Variants in MTUS2 observed in about 807,000 individuals in gnomAD.
MTUS2 encodes microtubule-associated tumor suppressor candidate 2.
Under a neutral mutation model 114.1 loss-of-function variants are expected in MTUS2, and 40 were observed. That is an observed-to-expected ratio of 0.35 (90% CI 0.27 to 0.46). The LOEUF is 0.46. Among genes scored for constraint, MTUS2 ranks in the 20% least tolerant of loss-of-function variants. The pLI is 1.00. For synonymous variants in MTUS2, 688 were observed against 672.0 expected (o/e 1.02, Z -0.37); for missense variants, 1,679 against 1,705.4 (o/e 0.98, Z 0.27).
chr13:29,257,410 C>T (rs1897316064), intron 5 of MTUS2, among the ~76,000 whole-genome samples: 1 of 152,120 alleles, frequency 6.6e-6, no homozygotes, highest in African/African-American at 2.4e-5. Flanking sequence ...GGTTTTGATG[C>T]CTGAGCTGGA....
At chr13:28,969,169 A>G (rs868357738) in intron 2 of MTUS2, among the ~76,000 whole-genome samples, 5 of 152,124 alleles carry the variant, frequency 3.3e-5, no homozygotes, top group African/African-American at 1.2e-4. Context: ...AGCCTCCCAA[A>G]TAGCTGGGAC....
intron 5 of MTUS2, among the ~76,000 whole-genome samples, chr13:29,112,919 C>T (rs1446433411): frequency 6.6e-6 from 1 of 152,106 alleles, no homozygotes; most frequent in Non-Finnish European, 1.5e-5. Flanking sequence ...CATGGGATTA[C>T]ATAAAGAGGC....
chr13:29,442,220 C>A (rs1243563772), intron 9 of MTUS2, among the ~76,000 whole-genome samples: 1 of 152,116 alleles, frequency 6.6e-6, no homozygotes, highest in South Asian at 2.1e-4. Context: ...ATTCTCAATT[C>A]ACAGCGACCA....
chr13:29,242,831 T>C (rs1195824650), intron 5 of MTUS2: 1 of 151,234 alleles, frequency 6.6e-6, no homozygotes, highest in Non-Finnish European at 1.5e-5. Flanking sequence ...ATTATCTCAT[T>C]AAATCCTCAC....
rs1295622776 is a variant in MTUS2, at chr13:29,389,554, C to T, written c.3117+30081C>T. Among the ~76,000 whole-genome samples the T allele has an allele frequency of 8.8e-5, 6 of 68,132 alleles. 1 individual carries two copies. The South Asian group carries it at 2.2e-3, about 25-fold the overall frequency. The allele number at this position is 68,132 out of a possible 152,430, so 44.7% of individuals were successfully genotyped here. A position where few individuals can be genotyped will look rare whatever the true frequency, so the allele number is the denominator to read the frequency against. ...GTATACACGTGTGTATATGTATACA[C>T]GTGTGTATATGTGTACATATGTGTG... On this transcript the variant is annotated intron_variant, in intron 8 of 15. Coordinates refer to ENST00000612955, the MANE Select transcript of MTUS2 (RefSeq NM_001033602.4).
At chr13:28,863,101 T>C (rs1877091928) in intron 2 of MTUS2, among the ~76,000 whole-genome samples, 1 of 152,306 alleles carries the variant, frequency 6.6e-6, no homozygotes, top group East Asian at 1.9e-4. Context: ...ATTCCAGTAA[T>C]GTGCAGGAGA....
At chr13:29,262,636 CTCAG>C (rs1047149196) in intron 5 of MTUS2, among the ~76,000 whole-genome samples, 3 of 151,918 alleles carry the variant, frequency 2.0e-5, no homozygotes, top group African/African-American at 7.3e-5. Context: ...TGCTGAGGTC[CTCAG>C]TCAGTCAGGC....
At chr13:28,998,429 T>G (rs1885220370) in intron 2 of MTUS2, among the ~76,000 whole-genome samples, 2 of 152,224 alleles carry the variant, frequency 1.3e-5, no homozygotes, top group African/African-American at 4.8e-5. Flanking sequence ...CGAATTTGAA[T>G]ATTGGCCTGC....
intron 4 of MTUS2, among the ~76,000 whole-genome samples, chr13:29,099,251 G>A (rs758363441): frequency 1.3e-5 from 2 of 151,986 alleles, no homozygotes; most frequent in African/African-American, 2.4e-5. Flanking sequence ...TTTGTTTTTT[G>A]TGCTTTTCCC....
At chr13:29,180,941 CTG>C (rs1491565178) in intron 5 of MTUS2, among the ~76,000 whole-genome samples, 2 of 152,132 alleles carry the variant, frequency 1.3e-5, no homozygotes, top group Non-Finnish European at 2.9e-5. Flanking sequence ...TGAAAAACAA[CTG>C]TATGTCCATT....
At chr13:29,261,590 A>C (rs1409953307) in intron 5 of MTUS2, among the ~76,000 whole-genome samples, 2 of 152,208 alleles carry the variant, frequency 1.3e-5, no homozygotes, top group Non-Finnish European at 2.9e-5. Context: ...AGAGCACCTA[A>C]ACTTTCTTAT....
At chr13:28,970,549 C>T (rs2146136) in intron 2 of MTUS2, among the ~76,000 whole-genome samples, 101,565 of 152,138 alleles carry the variant, frequency 0.67, 35,179 homozygotes, top group African/African-American at 0.85. Flanking sequence ...TATGGCTGTT[C>T]GTAGAAAAAG....
chr13:29,412,715 C>A (rs566504372), intron 8 of MTUS2, among the ~76,000 whole-genome samples: 7 of 151,906 alleles, frequency 4.6e-5, no homozygotes, highest in African/African-American at 1.7e-4. Flanking sequence ...CACAGCAAGA[C>A]CCTGTCTCTT....
intron 5 of MTUS2, among the ~76,000 whole-genome samples, chr13:29,168,172 C>T (rs1458744854): frequency 2.0e-5 from 3 of 152,158 alleles, no homozygotes; most frequent in Non-Finnish European, 4.4e-5. Flanking sequence ...CTATGTTACT[C>T]AGATGCCTTC....
At chr13:29,481,439 T>G (rs1881165881) in intron 10 of MTUS2, among the ~76,000 whole-genome samples, 1 of 152,120 alleles carries the variant, frequency 6.6e-6, no homozygotes, top group South Asian at 2.1e-4. Flanking sequence ...CTCCGATGGC[T>G]TCGTCCCCAC....
intron 5 of MTUS2, among the ~76,000 whole-genome samples, chr13:29,246,906 AAAAAC>A (rs1896946935): frequency 6.6e-6 from 1 of 152,158 alleles, no homozygotes; most frequent in Admixed American, 6.5e-5. Flanking sequence ...AAAAAAAAAA[AAAAAC>A]AATTCAAAAA....
Position 29,281,363 on chromosome 13 carries a change from C to A in MTUS2, c.2645-341C>A, listed in dbSNP as rs145527999. ...AATAAGTGTTTATTATATACACATA[C>A]ATTTGCACATACACATAAGCGAACT... is the stretch of plus-strand genomic sequence containing the variant. On this transcript the variant is annotated intron_variant, in intron 5 of 15. Coordinates refer to ENST00000612955, the MANE Select transcript of MTUS2 (RefSeq NM_001033602.4). Among the ~76,000 whole-genome samples the A allele has an allele frequency of 4.2e-4, 64 of 151,988 alleles. 1 individual carries two copies. The highest frequency in any genetic ancestry group is 3.3e-3 in the South Asian group (16 of 4,812).
chr13:28,835,840 A>C (rs1875043791), intron 1 of MTUS2, among the ~76,000 whole-genome samples: 1 of 152,182 alleles, frequency 6.6e-6, no homozygotes, highest in Non-Finnish European at 1.5e-5. Flanking sequence ...GGTAGAGTAG[A>C]AACTTAGTGG....
chr13:29,186,478 T>C (rs542665445), intron 5 of MTUS2, among the ~76,000 whole-genome samples: 44 of 152,330 alleles, frequency 2.9e-4, no homozygotes, highest in African/African-American at 9.9e-4. Context: ...ATATTTAATG[T>C]GGTCATATTA....
Sources: gnomAD v4.1 joint callset for allele counts (sites outside exome capture counted in the v4.1 genomes callset) on GRCh38, gnomAD v4.1.1 for gene constraint, MANE v1.5 for transcripts, NCBI Gene and HGNC (gene_info 2026-07-23, HGNC 2026-07-21) for gene names.